The following KLHL32 variants were observed in gnomAD, a reference collection of about 807,000 sequenced individuals.
The protein encoded by KLHL32 is kelch-like protein 32.
A neutral mutation model predicts 64.8 loss-of-function variants in KLHL32; 35 were observed. That is an observed-to-expected ratio of 0.54 (90% CI 0.41 to 0.72). The LOEUF (loss-of-function observed/expected upper bound fraction) is 0.72, where lower values mean the gene tolerates loss of function less well. KLHL32 is among the 30% of genes least tolerant of loss of function. The probability of loss-of-function intolerance (pLI) is 0.00; values close to 1 mark genes in which losing one functional copy is unlikely to be tolerated. For missense variants in KLHL32, 589 were observed against 768.5 expected (o/e 0.77, Z 2.76); for synonymous variants, 259 against 281.0 (o/e 0.92, Z 0.78).
chr6:97,001,173 T>G (rs1452870137), intron 3 of KLHL32, among the ~76,000 whole-genome samples: 1 of 152,076 alleles, frequency 6.6e-6, no homozygotes, highest in Non-Finnish European at 1.5e-5. Context: ...AACGTAAACT[T>G]TGGATTTGGT....
At chr6:97,022,572 C>A (rs1345032602) in intron 3 of KLHL32, among the ~76,000 whole-genome samples, 2 of 149,202 alleles carry the variant, frequency 1.3e-5, no homozygotes, top group Non-Finnish European at 2.9e-5. Flanking sequence ...CAGGTTCAAG[C>A]GATTCTCCTG....
At chr6:96,939,609 A>G (rs557187000) in intron 1 of KLHL32, among the ~76,000 whole-genome samples, 4 of 152,298 alleles carry the variant, frequency 2.6e-5, no homozygotes, top group African/African-American at 9.6e-5. Flanking sequence ...GTTTCAAGTA[A>G]TGGGAAAAAA....
At chr6:97,120,544 C>T (rs903811046) in intron 7 of KLHL32, among the ~76,000 whole-genome samples, 2 of 152,202 alleles carry the variant, frequency 1.3e-5, no homozygotes, top group Admixed American at 1.3e-4. Context: ...TGTGGATTCA[C>T]TCATGATGAA....
intron 1 of KLHL32, among the ~76,000 whole-genome samples, chr6:96,952,112 C>T (rs909319397): frequency 3.3e-5 from 5 of 152,076 alleles, no homozygotes. Flanking sequence ...TGAGTGCACC[C>T]TGTGATGGGA....
intron 7 of KLHL32, among the ~76,000 whole-genome samples, chr6:97,116,366 G>A (rs1797808578): frequency 2.0e-5 from 3 of 151,794 alleles, no homozygotes. Flanking sequence ...TTTCAAGCTA[G>A]GCAGCAAATA....
At chr6:96,939,163 A>T (rs545984476) in intron 1 of KLHL32, among the ~76,000 whole-genome samples, 1 of 152,314 alleles carries the variant, frequency 6.6e-6, no homozygotes, top group East Asian at 1.9e-4. Flanking sequence ...GCAGGATGAA[A>T]GTTAGAAAAT....
At chr6:97,136,942 G>A (rs531804465) in intron 10 of KLHL32, among the ~76,000 whole-genome samples, 1 of 152,228 alleles carries the variant, frequency 6.6e-6, no homozygotes, top group Non-Finnish European at 1.5e-5. Context: ...GCTCTTTCTG[G>A]GTTGCGTCTT....
chr6:97,115,226 G>A (rs2128211598), intron 7 of KLHL32, among the ~76,000 whole-genome samples: 1 of 152,262 alleles, frequency 6.6e-6, no homozygotes, highest in Non-Finnish European at 1.5e-5. Flanking sequence ...ACATTGCCCA[G>A]GCTGCCCTTG....
intron 1 of KLHL32, among the ~76,000 whole-genome samples, chr6:96,964,470 G>A (rs1310243852): frequency 2.0e-5 from 3 of 152,166 alleles, no homozygotes; most frequent in Non-Finnish European, 2.9e-5. Context: ...TGGCTAACAC[G>A]GTGAAACCCC....
chr6:97,053,457 A>G (rs1239378590), intron 4 of KLHL32, among the ~76,000 whole-genome samples: 2 of 152,160 alleles, frequency 1.3e-5, no homozygotes, highest in African/African-American at 4.8e-5. Flanking sequence ...GGATACTGCA[A>G]ATTCTATAAA....
At chr6:97,107,614 A>G (rs1271681857) in intron 6 of KLHL32, among the ~76,000 whole-genome samples, 1 of 152,226 alleles carries the variant, frequency 6.6e-6, no homozygotes, top group Non-Finnish European at 1.5e-5. Flanking sequence ...AGAATCTCAA[A>G]TAGAAGTGGC....
chr6:97,070,264 G>A (rs964408515), intron 5 of KLHL32, among the ~76,000 whole-genome samples: 6 of 152,156 alleles, frequency 3.9e-5, no homozygotes, highest in South Asian at 2.1e-4. Context: ...TTTAATCAGC[G>A]AAAATGATCA....
At chr6:97,043,451 C>CTTTA (rs111852276) in intron 4 of KLHL32, among the ~76,000 whole-genome samples, 38,498 of 151,764 alleles carry the variant, frequency 0.25, 6,232 homozygotes, top group African/African-American at 0.45. Context: ...ACCATCTTTT[C>CTTTA]TTTATTCATC....
At chr6:97,030,861 GT>G (rs67945805) in intron 3 of KLHL32, among the ~76,000 whole-genome samples, 26,671 of 152,100 alleles carry the variant, frequency 0.18, 2,792 homozygotes, top group African/African-American at 0.3. Flanking sequence ...ACACTGTAGG[GT>G]GGTAGGACAT....
chr6:96,993,764 G>A (rs565619977), intron 3 of KLHL32, among the ~76,000 whole-genome samples: 13 of 152,140 alleles, frequency 8.5e-5, no homozygotes, highest in Non-Finnish European at 1.5e-4. Context: ...AATGGCAGTA[G>A]TAATCAAGTC....
At chr6:96,903,856 G>A in the KLHL32 span, among the ~76,000 whole-genome samples, 2 of 152,178 alleles carry the variant, frequency 1.3e-5, no homozygotes, top group Admixed American at 6.5e-5. Flanking sequence ...GGCAAATATC[G>A]TATTGACCAG....
intron 6 of KLHL32, among the ~76,000 whole-genome samples, chr6:97,112,898 A>G (rs1375833663): frequency 6.6e-6 from 1 of 150,398 alleles, no homozygotes; most frequent in Non-Finnish European, 1.5e-5. Flanking sequence ...AAAATTAAAC[A>G]ATAATTTTTA....
intron 4 of KLHL32, among the ~76,000 whole-genome samples, chr6:97,060,579 C>G (rs1051107764): frequency 6.6e-6 from 1 of 152,094 alleles, no homozygotes; most frequent in Non-Finnish European, 1.5e-5. Flanking sequence ...GGATTCTGGC[C>G]CCATATTCTG....
rs112231507 is a variant in KLHL32, at chr6:96,987,421, G to A, written c.204+11244G>A. 3.0e-3 allele frequency among the ~76,000 whole-genome samples: 460 copies of A among 152,002 alleles called. 3 individuals carry two copies. Among genetic ancestry groups the A allele is most frequent in the African/African-American group, 9.8e-3 (407 of 41,486 alleles). On this transcript the variant is annotated intron_variant, in intron 3 of 10. Coordinates refer to ENST00000369261, the MANE Select transcript of KLHL32 (RefSeq NM_052904.4). The stretch of plus-strand genomic sequence containing the variant: ...TCTGGTATGTTGTGTCTTTGTTCTC[G>A]TTGGCAAACCACTGCTCAATGAAAT...
Sources: allele counts gnomAD v4.1 joint callset (sites outside exome capture counted in the v4.1 genomes callset), GRCh38; gene constraint gnomAD v4.1.1; transcripts MANE v1.5; gene names NCBI Gene and HGNC (gene_info 2026-07-23, HGNC 2026-07-21).